ZNF43: variants seen among roughly 807,000 people sequenced by gnomAD.
The protein encoded by ZNF43 is zinc finger protein 43.
A neutral mutation model predicts 68.4 loss-of-function variants in ZNF43; 44 were observed. The observed-to-expected ratio is 0.64, with a 90% CI of 0.51 to 0.83. ZNF43 has a LOEUF of 0.83. Ranked by LOEUF, ZNF43 falls within the 40% of genes least tolerant of loss-of-function variation. ZNF43 has a pLI of 0.00. For missense variants in ZNF43, 896 were observed against 933.2 expected, an observed-to-expected ratio of 0.96 and a Z score of 0.52; for synonymous variants, 308 against 307.8, an observed-to-expected ratio of 1.00 and a Z score of -0.01.
In ZNF43 at chr19:21,835,757, C is replaced by T. The variant is rs368939414; in HGVS notation, c.3+279G>A. Among the ~76,000 whole-genome samples the T allele has an allele frequency of 1.3e-3, 200 of 152,318 alleles. 13 individuals are homozygous for T. The South Asian group carries it at 0.041, about 31-fold the overall frequency. The stretch of plus-strand genomic sequence containing the variant: ...ATCACGAGTCAGGATTCTCTCCTGA[C>T]GACCCTCCTGTGGCCCCTGCACAAT... On this transcript the variant is annotated intron_variant, in intron 1 of 3. Transcript: ENST00000354959.
intron 1 of ZNF43, among the ~76,000 whole-genome samples, chr19:21,821,395 T>C (rs145329312): frequency 3.6e-4 from 55 of 152,250 alleles, no homozygotes; most frequent in Admixed American, 3.0e-3. Flanking sequence ...TTAATAGTAA[T>C]TTTTAGTAGT....
At chr19:21,829,354 AT>A (rs2145301356) in intron 1 of ZNF43, among the ~76,000 whole-genome samples, 1 of 152,318 alleles carries the variant, frequency 6.6e-6, no homozygotes, top group East Asian at 1.9e-4. Context: ...ATTACCTTGG[AT>A]TATCAGTTTT....
chr19:21,807,739 T>G lies in ZNF43; in HGVS notation c.2298A>C (p.Glu766Asp), dbSNP rs764119547. 6.2e-7 allele frequency: 1 copy of G among 1,613,724 alleles called. No homozygotes were observed. The highest frequency in any genetic ancestry group is 1.1e-5 in the South Asian group (1 of 91,032). The change falls in exon 4 of 4, where the codon GAA becomes GAC. Residue 766 changes from glutamate (E) to aspartate (D), a missense_variant. Transcript: ENST00000354959. The part of the protein sequence containing the change: ...HTKEQPYKCK[E>D]CGKAFNQYSN... ...AATATTGGTTGAAAGCTTTGCCACATTCTTTACATTTGTAGGGTTGCTCTT... is the reference window on the plus strand; with the variant it reads ...AATATTGGTTGAAAGCTTTGCCACAGTCTTTACATTTGTAGGGTTGCTCTT...
At chr19:21,848,242 C>T (rs1313046216) in intron 1 of ZNF43, among the ~76,000 whole-genome samples, 1 of 152,160 alleles carries the variant, frequency 6.6e-6, no homozygotes, top group Non-Finnish European at 1.5e-5. Flanking sequence ...CTCCCAGATT[C>T]AAGTGATTCT....
At chr19:21,824,793 A>G (rs190053091) in intron 1 of ZNF43, among the ~76,000 whole-genome samples, 1 of 152,288 alleles carries the variant, frequency 6.6e-6, no homozygotes, top group East Asian at 1.9e-4. Flanking sequence ...ACATGAATAT[A>G]AGTAAATCAT....
intron 1 of ZNF43, among the ~76,000 whole-genome samples, chr19:21,847,447 A>G (rs1422587625): frequency 3.3e-5 from 5 of 152,132 alleles, no homozygotes; most frequent in Admixed American, 3.3e-4. Flanking sequence ...CTATAATCCC[A>G]ATACTTTGGG....
chr19:21,847,358 C>T (rs1486571494), intron 1 of ZNF43, among the ~76,000 whole-genome samples: 1 of 152,110 alleles, frequency 6.6e-6, no homozygotes, highest in Non-Finnish European at 1.5e-5. Context: ...AGTCACATCA[C>T]CTTGATGTTA....
intron 1 of ZNF43, among the ~76,000 whole-genome samples, chr19:21,827,662 A>AC (rs1555723325): frequency 7.8e-6 from 1 of 128,278 alleles, no homozygotes; most frequent in African/African-American, 2.9e-5. Context: ...GCGCCTGGCC[A>AC]TTTTTTTTTT....
intron 1 of ZNF43, among the ~76,000 whole-genome samples, chr19:21,844,896 C>CAAAAAAAAAAAAAA (rs869257892): frequency 2.8e-5 from 1 of 35,786 alleles, no homozygotes; most frequent in African/African-American, 2.2e-4. Context: ...GATTCCGTCT[C>CAAAAAAAAAAAAAA]AAAAAAAAAA....
chr19:21,827,284 G>A (rs2038181427), intron 1 of ZNF43: 1 of 151,918 alleles, frequency 6.6e-6, no homozygotes, highest in Non-Finnish European at 1.5e-5. Flanking sequence ...ACCTTTTGAT[G>A]AAGAATTGAA....
At chr19:21,820,830 ATTTTTTTTTTT>A (rs750258211) in intron 1 of ZNF43, among the ~76,000 whole-genome samples, 2 of 128,786 alleles carry the variant, frequency 1.6e-5, no homozygotes, top group Non-Finnish European at 3.2e-5. Flanking sequence ...ATGTTCTGTA[ATTTTTTTTTTT>A]TTTTTTTTTT....
At chr19:21,825,227 T>C (rs1018263264) in intron 1 of ZNF43, among the ~76,000 whole-genome samples, 6 of 151,886 alleles carry the variant, frequency 4.0e-5, no homozygotes, top group Non-Finnish European at 8.8e-5. Flanking sequence ...AGAGTGAAAC[T>C]GTCTCAAAAA....
intron 1 of ZNF43, among the ~76,000 whole-genome samples, chr19:21,828,852 T>G (rs2038271461): frequency 1.3e-5 from 2 of 148,962 alleles, no homozygotes; most frequent in African/African-American, 5.0e-5. Context: ...GCTAACACGG[T>G]GAAACCCCGT....
In ZNF43 at chr19:21,806,212, T is replaced by G. The variant is rs995606290; in HGVS notation, c.*1395A>C. On this transcript the variant is annotated 3_prime_UTR_variant, in exon 4 of 4. Transcript: ENST00000354959. ...TCTTTTTGAGATGGAGTTTGACTTT[T>G]GTTGCCCAGGTTGGAGTGCAATGGT... is the stretch of plus-strand genomic sequence containing the variant. 1.3e-5 allele frequency: 2 copies of G among 151,890 alleles called. No individual in the cohort carries two copies. The highest frequency in any genetic ancestry group is 1.5e-5 in the Non-Finnish European group (1 of 67,988). The allele number at this position is 151,890 out of a possible 1,614,324, so 9.4% of individuals were successfully genotyped here.
intron 1 of ZNF43, among the ~76,000 whole-genome samples, chr19:21,848,158 T>G (rs1004347108): frequency 2.6e-5 from 4 of 151,838 alleles, no homozygotes; most frequent in Non-Finnish European, 5.9e-5. Flanking sequence ...TGTTGTTGTT[T>G]TTTGAGACAG....
At chr19:21,833,643 GA>G (rs796471552) in intron 1 of ZNF43, among the ~76,000 whole-genome samples, 2 of 144,184 alleles carry the variant, frequency 1.4e-5, no homozygotes, top group Admixed American at 7.0e-5. Flanking sequence ...CCCAGGATCA[GA>G]AAAAAAAAAC....
intron 1 of ZNF43, among the ~76,000 whole-genome samples, chr19:21,844,826 G>A (rs1159561002): frequency 6.9e-6 from 1 of 144,716 alleles, no homozygotes; most frequent in African/African-American, 2.6e-5. Flanking sequence ...GAACCCAGCA[G>A]GTGGAGCTTG....
chr19:21,834,471 A>C (rs921611585), intron 1 of ZNF43, among the ~76,000 whole-genome samples: 45 of 152,098 alleles, frequency 3.0e-4, no homozygotes, highest in Non-Finnish European at 5.9e-5. Context: ...TAGAAAACAA[A>C]ATTTAGGCCG....
intron 1 of ZNF43, among the ~76,000 whole-genome samples, chr19:21,847,178 T>C (rs960783654): frequency 1.3e-5 from 2 of 152,070 alleles, no homozygotes; most frequent in African/African-American, 4.8e-5. Flanking sequence ...ATTTTCCCTG[T>C]AGGCAGGGTG....
Sources: gnomAD v4.1 joint callset for allele counts (sites outside exome capture counted in the v4.1 genomes callset) on GRCh38, gnomAD v4.1.1 for gene constraint, MANE v1.5 for transcripts, NCBI Gene and HGNC (gene_info 2026-07-23, HGNC 2026-07-21) for gene names.